Variants in MIA2 observed in about 807,000 individuals in gnomAD.
MIA2 encodes melanoma inhibitory activity protein 2.
A neutral mutation model predicts 167.8 loss-of-function variants in MIA2; 127 were observed. The ratio of observed to expected loss-of-function variants is 0.76; its 90% confidence interval spans 0.66 to 0.88. The LOEUF (loss-of-function observed/expected upper bound fraction) is 0.88. MIA2 is among the 40% of genes least tolerant of loss of function. MIA2 has a pLI of 0.00. For missense variants in MIA2, 1,690 were observed against 1,624.7 expected (o/e 1.04, Z -0.69); for synonymous variants, 552 against 541.9 (o/e 1.02, Z -0.26).
At chr14:39,296,847 C>T (rs1404074831) in intron 13 of MIA2, among the ~76,000 whole-genome samples, 1 of 151,558 alleles carries the variant, frequency 6.6e-6, no homozygotes, top group Non-Finnish European at 1.5e-5. Context: ...CTGATCTTGG[C>T]TCACTGCAAC....
At chr14:39,285,971 G>C (rs901104831) in intron 9 of MIA2, among the ~76,000 whole-genome samples, 13 of 151,194 alleles carry the variant, frequency 8.6e-5, no homozygotes, top group Non-Finnish European at 1.3e-4. Context: ...CTGGGCAGCC[G>C]GGCAGAGGGG....
intron 25 of MIA2, among the ~76,000 whole-genome samples, chr14:39,331,966 C>T (rs1024572481): frequency 3.3e-5 from 5 of 151,800 alleles, no homozygotes; most frequent in Admixed American, 1.3e-4. Flanking sequence ...CTTTGTATTT[C>T]GTGAATTTGA....
chr14:39,345,685 C>T (rs1404609239), intron 25 of MIA2, among the ~76,000 whole-genome samples: 1 of 152,088 alleles, frequency 6.6e-6, no homozygotes, highest in Non-Finnish European at 1.5e-5. Context: ...TTGAAATTTT[C>T]AAAATCCAAA....
chr14:39,363,047 C>T (rs1420233532), intron 23 of MIA2, among the ~76,000 whole-genome samples: 2 of 151,938 alleles, frequency 1.3e-5, no homozygotes, highest in Non-Finnish European at 2.9e-5. Flanking sequence ...TTATTGATTT[C>T]TAGTTTTATT....
chr14:39,382,953 GTT>G (rs10689511), intron 23 of MIA2, among the ~76,000 whole-genome samples: 19 of 75,042 alleles, frequency 2.5e-4, no homozygotes, highest in African/African-American at 5.8e-4. Flanking sequence ...TATGGCCACA[GTT>G]TTTTTTTTTT....
intron 1 of MIA2, 24 bp downstream of exon 1, chr14:39,234,253 T>C (rs1427563408): frequency 2.1e-6 from 3 of 1,462,824 alleles, no homozygotes; most frequent in Non-Finnish European, 2.9e-6. Flanking sequence ...CCCCGCTTCT[T>C]CTCCTCCTAA....
At chr14:39,359,086 C>A (rs952768992) in intron 23 of MIA2, among the ~76,000 whole-genome samples, 1 of 152,182 alleles carries the variant, frequency 6.6e-6, no homozygotes, top group Non-Finnish European at 1.5e-5. Context: ...AGCTGTCAGA[C>A]AGGGACATTT....
intron 9 of MIA2, among the ~76,000 whole-genome samples, chr14:39,284,415 GTT>G (rs936434794): frequency 6.6e-6 from 1 of 152,080 alleles, no homozygotes; most frequent in African/African-American, 2.4e-5. Context: ...CTGTGTATTT[GTT>G]TTTATACTAG....
chr14:39,304,853 A>G (rs947223583), intron 17 of MIA2, among the ~76,000 whole-genome samples: 2 of 152,182 alleles, frequency 1.3e-5, no homozygotes, highest in Non-Finnish European at 2.9e-5. Context: ...TTTAATTGAA[A>G]ACATTTATGT....
chr14:39,280,945 GTCTCTCTC>G (rs71130836), intron 9 of MIA2, among the ~76,000 whole-genome samples: 1 of 118,770 alleles, frequency 8.4e-6, no homozygotes, highest in African/African-American at 3.2e-5. Flanking sequence ...TTGAGACAGC[GTCTCTCTC>G]TCTCTCTTGT....
At chr14:39,367,515 T>G (rs1192623097) in intron 23 of MIA2, among the ~76,000 whole-genome samples, 5 of 152,226 alleles carry the variant, frequency 3.3e-5, no homozygotes, top group Admixed American at 3.3e-4. Context: ...GGTTCTGTCC[T>G]GTGGCTAATG....
rs145485000 is a variant in MIA2, at chr14:39,374,684, A to G, written c.2249-12201A>G. Among the ~76,000 whole-genome samples, 226 of 152,334 alleles carry G rather than the reference A, an allele frequency of 1.5e-3. 1 individual carries two copies. The highest frequency in any genetic ancestry group is 5.4e-3 in the African/African-American group (223 of 41,564). On this transcript the variant is annotated intron_variant, in intron 23 of 23. Coordinates refer to the MIA2 transcript ENST00000341502. The stretch of plus-strand genomic sequence containing the variant: ...CAGTTAAGGAGGCTGTCCTCTTCCT[A>G]TCAAGGTATGTGTTCACATGGAAAT...
At chr14:39,270,522 GTTGT>G (rs993157763) in intron 6 of MIA2, among the ~76,000 whole-genome samples, 24 of 151,528 alleles carry the variant, frequency 1.6e-4, no homozygotes, top group Admixed American at 8.5e-4. Context: ...TGTTGTTGTT[GTTGT>G]TTGTTTGTTT....
intron 19 of MIA2, among the ~76,000 whole-genome samples, chr14:39,314,526 T>G (rs1421348449): frequency 6.6e-6 from 1 of 151,488 alleles, no homozygotes; most frequent in Non-Finnish European, 1.5e-5. Context: ...AGTATTAAGT[T>G]GTAATCAATG....
chr14:39,248,149 T>C lies in MIA2; in HGVS notation c.1567+8T>C. The stretch of plus-strand genomic sequence containing the variant: ...GTTCATACAGTCTGTCAGGTTGGTA[T>C]GAAAATATTTACATTAGAATTTATT... On this transcript the variant is annotated splice_region_variant and intron_variant, in intron 4 of 28. Coordinates refer to ENST00000640607, the MANE Select transcript of MIA2 (RefSeq NM_001329214.4). 1 of 1,353,218 alleles carries C rather than the reference T, an allele frequency of 7.4e-7. No individual in the cohort carries two copies. The highest frequency in any genetic ancestry group is 1.8e-5 in the South Asian group (1 of 55,116). 83.8% of individuals were successfully genotyped at this position (1,353,218 alleles called of 1,614,324 possible).
chr14:39,383,054 T>G (rs920340315), intron 23 of MIA2, among the ~76,000 whole-genome samples: 4 of 144,020 alleles, frequency 2.8e-5, no homozygotes, highest in African/African-American at 7.6e-5. Context: ...TGGTGGAAAT[T>G]ATAAAGAAAC....
intron 23 of MIA2, among the ~76,000 whole-genome samples, chr14:39,360,416 T>C (rs1414584281): frequency 1.3e-5 from 2 of 152,232 alleles, no homozygotes; most frequent in Non-Finnish European, 2.9e-5. Flanking sequence ...TGTATGTCTT[T>C]GAGAATTTGA....
chr14:39,367,491 C>G (rs1012480690), intron 23 of MIA2, among the ~76,000 whole-genome samples: 7 of 152,182 alleles, frequency 4.6e-5, no homozygotes, highest in African/African-American at 9.7e-5. Context: ...GCTCCTTATG[C>G]TAGCTAGTCT....
chr14:39,329,912 A>T (rs1012578601), intron 25 of MIA2, among the ~76,000 whole-genome samples: 1 of 151,982 alleles, frequency 6.6e-6, no homozygotes, highest in Non-Finnish European at 1.5e-5. Context: ...TTCATCAGAG[A>T]TATTGGCCTG....
Sources: allele counts gnomAD v4.1 joint callset (sites outside exome capture counted in the v4.1 genomes callset), GRCh38; gene constraint gnomAD v4.1.1; transcripts MANE v1.5; gene names NCBI Gene and HGNC (gene_info 2026-07-23, HGNC 2026-07-21).